The following FLT1 variants were observed in gnomAD, a reference collection of about 807,000 sequenced individuals.
FLT1 encodes fms related receptor tyrosine kinase 1.
Under a neutral mutation model 156.3 loss-of-function variants are expected in FLT1, and 49 were observed. The observed-to-expected ratio is 0.31, with a 90% CI of 0.25 to 0.40. FLT1 has a LOEUF of 0.40. FLT1 is among the 10% of genes least tolerant of loss of function. The pLI, the probability that FLT1 is intolerant of heterozygous loss-of-function variation, is 1.00. For missense variants in FLT1, 1,322 were observed against 1,637.2 expected (o/e 0.81, Z 3.32); for synonymous variants, 594 against 583.8 (o/e 1.02, Z -0.25).
intron 14 of FLT1, among the ~76,000 whole-genome samples, chr13:28,372,429 T>C (rs1873646430): frequency 6.6e-6 from 1 of 150,860 alleles, no homozygotes; most frequent in African/African-American, 2.4e-5. Context: ...ACGTATAGGT[T>C]AAAAAATGGA....
chr13:28,421,525 G>A (rs1256272241), intron 10 of FLT1, among the ~76,000 whole-genome samples: 1 of 109,996 alleles, frequency 9.1e-6, no homozygotes, highest in East Asian at 2.6e-4. Flanking sequence ...TGGTGGAGGA[G>A]CTGCTGCACT....
chr13:28,301,558 A>T lies in FLT1; in HGVS notation c.*1609T>A, dbSNP rs567443851. 1 of 233,346 alleles carries T rather than the reference A, an allele frequency of 4.3e-6. No individual in the cohort carries two copies. Among genetic ancestry groups the T allele is most frequent in the Admixed American group, 5.6e-5 (1 of 17,800 alleles). The allele number at this position is 233,346 out of a possible 1,614,324, so 14.5% of individuals were successfully genotyped here. ...AGAGCTCAGGTTCTACAGTTAAATT[A>T]CATGGATAAAAGGAAGCATACTCTT... On this transcript the variant is annotated 3_prime_UTR_variant, in exon 30 of 30. Coordinates refer to ENST00000282397, the MANE Select transcript of FLT1 (RefSeq NM_002019.4).
chr13:28,419,435 T>C (rs146433729), intron 10 of FLT1, among the ~76,000 whole-genome samples: 1 of 152,338 alleles, frequency 6.6e-6, no homozygotes, highest in Non-Finnish European at 1.5e-5. Flanking sequence ...ATAATAAAAA[T>C]GCTCATTCAA....
In FLT1 at chr13:28,322,715, G is replaced by GA. The variant is rs1871514492; in HGVS notation, c.2953+74dup. ...GGATGTTTATTAGAGTGATAAATAAGAAAAAAATTTCAGAGATGCATAGTA... is the reference window on the plus strand; with the variant it reads ...GGATGTTTATTAGAGTGATAAATAAGAAAAAAAATTTCAGAGATGCATAGTA... On this transcript the variant is annotated intron_variant, in intron 21 of 29. Coordinates refer to ENST00000282397, the MANE Select transcript of FLT1 (RefSeq NM_002019.4). The surrounding 1 kb of genome is among the most constrained non-coding windows in gnomAD (Gnocchi z 4.3). 7.0e-7 allele frequency: 1 copy of GA among 1,426,564 alleles called. No homozygotes were observed. 88.4% of individuals were successfully genotyped at this position (1,426,564 alleles called of 1,614,324 possible).
At chr13:28,370,441 A>G (rs1873510120) in intron 14 of FLT1, among the ~76,000 whole-genome samples, 2 of 152,208 alleles carry the variant, frequency 1.3e-5, no homozygotes, top group Non-Finnish European at 2.9e-5. Flanking sequence ...CGGTGTGCAC[A>G]TGTACCCTAA....
chr13:28,388,230 G>A, intron 13 of FLT1: 3 of 1,057,422 alleles, frequency 2.8e-6, no homozygotes, highest in Non-Finnish European at 3.4e-6. Context: ...AGCATTTGGG[G>A]CTCCATAAAA....
chr13:28,402,579 T>TA (rs1342545405), intron 11 of FLT1, among the ~76,000 whole-genome samples: 3 of 151,702 alleles, frequency 2.0e-5, no homozygotes, highest in African/African-American at 7.3e-5. Flanking sequence ...TATATCTATA[T>TA]ATATAGAGAG....
intron 10 of FLT1, among the ~76,000 whole-genome samples, chr13:28,412,444 C>CG (rs1876354454): frequency 7.0e-6 from 1 of 142,682 alleles, no homozygotes; most frequent in South Asian, 2.3e-4. Flanking sequence ...TTTTTTGAGA[C>CG]GGGGTCTCAC....
At chr13:28,350,187 C>T (rs990684215) in intron 15 of FLT1, among the ~76,000 whole-genome samples, 1 of 152,208 alleles carries the variant, frequency 6.6e-6, no homozygotes. Flanking sequence ...GGAGTTAGCA[C>T]TGGGTCTCAG....
intron 1 of FLT1, among the ~76,000 whole-genome samples, chr13:28,477,099 C>T (rs1180548922): frequency 6.6e-6 from 1 of 152,136 alleles, no homozygotes; most frequent in Non-Finnish European, 1.5e-5. Context: ...GGAAAAAATG[C>T]TCTAATAACG....
chr13:28,495,112 C>T lies in FLT1; in HGVS notation c.-269G>A. ...AGTGTCCGCCTGGCGCGCTCCGAGC[C>T]TCCCGCGGACCTCGATGAAGAGCAG... is the stretch of plus-strand genomic sequence containing the variant. On this transcript the variant is annotated 5_prime_UTR_variant, in exon 1 of 30. Coordinates refer to ENST00000282397, the MANE Select transcript of FLT1 (RefSeq NM_002019.4). This position sits in a 1 kb window ranked among gnomAD's most constrained non-coding sequence, Gnocchi z 4.1. 4.5e-6 allele frequency: 2 copies of T among 443,348 alleles called. No homozygotes were observed. Among genetic ancestry groups the T allele is most frequent in the Non-Finnish European group, 7.9e-6 (2 of 253,814 alleles). The allele number at this position is 443,348 out of a possible 1,614,324, so 27.5% of individuals were successfully genotyped here. A position where few individuals can be genotyped will look rare whatever the true frequency, so the allele number is the denominator to read the frequency against.
chr13:28,406,170 A>G (rs1046468815), intron 10 of FLT1, among the ~76,000 whole-genome samples: 2 of 152,250 alleles, frequency 1.3e-5, no homozygotes, highest in African/African-American at 4.8e-5. Context: ...TAAATTAGAA[A>G]ATTTAGTATC....
rs1566013087 is a variant in FLT1, at chr13:28,412,376, C to CT, written c.1437-6483dup. ...TCTTTCTTTCTTTCTTTCTTTCTTT[C>CT]TTTCTTTCTTTCTTTCTTTCTTTCT... On this transcript the variant is annotated intron_variant, in intron 10 of 29. Transcript: ENST00000282397. Among the ~76,000 whole-genome samples the CT allele has an allele frequency of 4.3e-4, 47 of 108,340 alleles. 1 individual carries two copies. The highest frequency in any genetic ancestry group is 5.3e-4 in the African/African-American group (17 of 32,188). 71.1% of individuals were successfully genotyped at this position (108,340 alleles called of 152,430 possible).
At chr13:28,490,003 T>C (rs543731308) in intron 1 of FLT1, among the ~76,000 whole-genome samples, 37 of 152,314 alleles carry the variant, frequency 2.4e-4, no homozygotes, top group Admixed American at 2.0e-4. Context: ...AGTCAATAAA[T>C]ATTTGAACAT....
intron 3 of FLT1, among the ~76,000 whole-genome samples, chr13:28,442,486 T>G (rs769950212): frequency 6.6e-6 from 1 of 152,228 alleles, no homozygotes; most frequent in African/African-American, 2.4e-5. Flanking sequence ...CCTTTGGTAC[T>G]GTGGATCCCC....
intron 4 of FLT1, among the ~76,000 whole-genome samples, chr13:28,435,031 G>C (rs992708410): frequency 2.0e-5 from 3 of 152,180 alleles, no homozygotes; most frequent in African/African-American, 7.2e-5. Flanking sequence ...GTCTTCAAAA[G>C]AGTGTAAATA....
At chr13:28,372,827 A>C (rs1209956378) in intron 14 of FLT1, among the ~76,000 whole-genome samples, 2 of 151,662 alleles carry the variant, frequency 1.3e-5, no homozygotes, top group African/African-American at 4.8e-5. Context: ...GCTTGCAGTG[A>C]GCAGAGATCA....
At chr13:28,382,637 G>A (rs568446501) in intron 14 of FLT1, among the ~76,000 whole-genome samples, 1 of 152,278 alleles carries the variant, frequency 6.6e-6, no homozygotes, top group South Asian at 2.1e-4. Context: ...GGTAATGAGT[G>A]TCTGGACCGA....
intron 1 of FLT1, among the ~76,000 whole-genome samples, chr13:28,473,810 GAAA>G (rs1880372877): frequency 2.2e-4 from 29 of 131,396 alleles, no homozygotes; most frequent in South Asian, 9.3e-4. Context: ...AAGAAAGAAA[GAAA>G]GAAAGAAAGA....
Sources: gnomAD v4.1 joint callset for allele counts (sites outside exome capture counted in the v4.1 genomes callset) on GRCh38, gnomAD v4.1.1 for gene constraint, Gnocchi (gnomAD v3.1) non-coding constraint, MANE v1.5 for transcripts, NCBI Gene and HGNC (gene_info 2026-07-23, HGNC 2026-07-21) for gene names.